ENTREP2: variants seen among roughly 807,000 people sequenced by gnomAD.
The protein encoded by ENTREP2 is endosomal transmembrane epsin interactor 2, also known as protein ENTREP2.
the ENTREP2 span, chr15:29,136,218 CG>C: frequency 1.3e-6 from 1 of 786,208 alleles, no homozygotes; most frequent in Non-Finnish European, 1.9e-6. Flanking sequence ...TGAATGCATC[CG>C]GGGGCCTCGG....
the ENTREP2 span, among the ~76,000 whole-genome samples, chr15:29,654,717 C>G: frequency 6.6e-6 from 1 of 152,140 alleles, no homozygotes; most frequent in Admixed American, 6.5e-5. Context: ...TATTTGCACT[C>G]TAGGCTAAAA....
the ENTREP2 span, among the ~76,000 whole-genome samples, chr15:29,514,819 G>C: frequency 6.6e-6 from 1 of 152,168 alleles, no homozygotes; most frequent in Non-Finnish European, 1.5e-5. Context: ...AAAGAGTGAG[G>C]AATGGAGAAT....
the ENTREP2 span, among the ~76,000 whole-genome samples, chr15:29,394,882 CTTTTTTTT>C: frequency 1.3e-4 from 12 of 95,838 alleles, no homozygotes; most frequent in South Asian, 2.0e-3. Context: ...GTCAGAATCT[CTTTTTTTT>C]TTTTTTTTTT....
At chr15:29,518,986 C>T in the ENTREP2 span, among the ~76,000 whole-genome samples, 3 of 152,160 alleles carry the variant, frequency 2.0e-5, no homozygotes, top group Non-Finnish European at 4.4e-5. Context: ...AAGAAAATCC[C>T]TCTCCACCAG....
At chr15:29,504,195 T>C in the ENTREP2 span, among the ~76,000 whole-genome samples, 1 of 152,266 alleles carries the variant, frequency 6.6e-6, no homozygotes, top group East Asian at 1.9e-4. Context: ...TGTTTCTACC[T>C]ATGCACCCCT....
At chr15:29,401,216 TA>T in the ENTREP2 span, among the ~76,000 whole-genome samples, 1 of 151,672 alleles carries the variant, frequency 6.6e-6, no homozygotes, top group African/African-American at 2.4e-5. Context: ...CATTTATGGT[TA>T]AAAAAAACCC....
the ENTREP2 span, among the ~76,000 whole-genome samples, chr15:29,291,045 C>T: frequency 6.6e-6 from 1 of 152,146 alleles, no homozygotes. Flanking sequence ...AGGGGTGTGT[C>T]CCCTCTGGCC....
chr15:29,601,000 C>G, the ENTREP2 span, among the ~76,000 whole-genome samples: 1 of 147,986 alleles, frequency 6.8e-6, no homozygotes, highest in Non-Finnish European at 1.5e-5. Flanking sequence ...CGGGTTCACG[C>G]CATTCTCCTG....
At chr15:29,298,246 G>A in the ENTREP2 span, among the ~76,000 whole-genome samples, 1 of 152,110 alleles carries the variant, frequency 6.6e-6, no homozygotes, top group African/African-American at 2.4e-5. Context: ...GCTGTGTTTA[G>A]AGGGAATTTA....
chr15:29,129,156 C>T, the ENTREP2 span, among the ~76,000 whole-genome samples: 23 of 152,222 alleles, frequency 1.5e-4, no homozygotes, highest in East Asian at 3.9e-4. Flanking sequence ...ATCCGCTGCC[C>T]GGATTCAAGC....
chr15:29,652,355 C>T, the ENTREP2 span, among the ~76,000 whole-genome samples: 1 of 152,242 alleles, frequency 6.6e-6, no homozygotes, highest in African/African-American at 2.4e-5. Context: ...TTCTACTGCT[C>T]AGTAAAGCTC....
the ENTREP2 span, among the ~76,000 whole-genome samples, chr15:29,448,721 A>G: frequency 6.6e-6 from 1 of 152,234 alleles, no homozygotes; most frequent in Non-Finnish European, 1.5e-5. Context: ...ACTCTTCCAT[A>G]TGATAAATAT....
the ENTREP2 span, among the ~76,000 whole-genome samples, chr15:29,306,756 C>CACCCAGGCTGGAGTGCAGTGGCGTGATT: frequency 7.7e-6 from 1 of 130,354 alleles, no homozygotes; most frequent in South Asian, 2.6e-4. Flanking sequence ...GTGGTGTGAT[C>CACCCAGGCTGGAGTGCAGTGGCGTGATT]ACCCAGGCTG....
chr15:29,381,953 G>A, the ENTREP2 span: 58 of 875,596 alleles, frequency 6.6e-5, no homozygotes, highest in Non-Finnish European at 5.6e-5. Flanking sequence ...ACACAGTGGC[G>A]GGGCTACCAT....
chr15:29,156,068 G>A, the ENTREP2 span, among the ~76,000 whole-genome samples: 6 of 152,288 alleles, frequency 3.9e-5, no homozygotes, highest in East Asian at 1.2e-3. Flanking sequence ...AGGCTGAGGA[G>A]CCTAGATTGT....
the ENTREP2 span, among the ~76,000 whole-genome samples, chr15:29,450,154 T>C: frequency 2.0e-5 from 3 of 152,320 alleles, no homozygotes; most frequent in South Asian, 6.2e-4. Flanking sequence ...ATTGGACCTT[T>C]GTCAGATGCA....
the ENTREP2 span, among the ~76,000 whole-genome samples, chr15:29,246,448 A>C: frequency 2.0e-5 from 3 of 150,056 alleles, no homozygotes; most frequent in African/African-American, 7.4e-5. Flanking sequence ...TAATACCAGC[A>C]CTCTGGGAGG....
At chr15:29,204,231 G>A in the ENTREP2 span, among the ~76,000 whole-genome samples, 2 of 152,146 alleles carry the variant, frequency 1.3e-5, no homozygotes, top group Admixed American at 1.3e-4. Flanking sequence ...AAATCTCTTT[G>A]GGGCACTTAA....
the ENTREP2 span, among the ~76,000 whole-genome samples, chr15:29,171,424 T>G: frequency 6.6e-6 from 1 of 152,174 alleles, no homozygotes; most frequent in Admixed American, 6.5e-5. Context: ...CACTCTACTG[T>G]CTGTTCACCC....
Sources: allele counts gnomAD v4.1 joint callset (sites outside exome capture counted in the v4.1 genomes callset), GRCh38; gene constraint gnomAD v4.1.1; transcripts MANE v1.5; gene names NCBI Gene and HGNC (gene_info 2026-07-23, HGNC 2026-07-21).